The following MTERF3 variants were observed in gnomAD, a reference collection of about 807,000 sequenced individuals.
MTERF3 encodes the protein transcription termination factor 3, mitochondrial.
A neutral mutation model predicts 40.5 loss-of-function variants in MTERF3; 40 were observed. The observed-to-expected ratio is 0.99, with a 90% confidence interval of 0.77 to 1.29. The LOEUF (loss-of-function observed/expected upper bound fraction) is 1.29. Ranked by LOEUF, MTERF3 falls within the 50% of genes most tolerant of loss-of-function variation. The pLI, the probability that MTERF3 is intolerant of heterozygous loss-of-function variation, is 0.00. For synonymous variants in MTERF3, 158 were observed against 166.6 expected, an observed-to-expected ratio of 0.95 and a Z score of 0.40; for missense variants, 452 against 478.2, an observed-to-expected ratio of 0.95 and a Z score of 0.51.
intron 6 of MTERF3, 85 bp downstream of exon 6, chr8:96,245,775 A>G: frequency 8.5e-7 from 1 of 1,169,926 alleles, no homozygotes; most frequent in Non-Finnish European, 1.2e-6. Context: ...GTTTTCTTTT[A>G]CATGACAATA....
chr8:96,258,806 T>A, intron 1 of MTERF3, 106 bp from the exon 2 acceptor site: 1 of 866,634 alleles, frequency 1.2e-6, no homozygotes, highest in Non-Finnish European at 1.7e-6. Flanking sequence ...TATTTTTTTC[T>A]AATTGAAAGG....
intron 7 of MTERF3, among the ~76,000 whole-genome samples, chr8:96,240,616 G>C (rs748837246): frequency 2.0e-5 from 3 of 152,142 alleles, no homozygotes; most frequent in Non-Finnish European, 4.4e-5. Context: ...AGCAGGCAAG[G>C]CTCTACAGCC....
At chr8:96,249,707 G>C (rs1394697431) in intron 4 of MTERF3, among the ~76,000 whole-genome samples, 1 of 152,120 alleles carries the variant, frequency 6.6e-6, no homozygotes, top group Non-Finnish European at 1.5e-5. Context: ...CATGACTAGA[G>C]GCAGACCAAT....
chr8:96,260,800 G>A (rs1810369761), intron 1 of MTERF3, among the ~76,000 whole-genome samples: 2 of 152,198 alleles, frequency 1.3e-5, no homozygotes, highest in African/African-American at 4.8e-5. Flanking sequence ...GTTCATGCAC[G>A]AGAGCAGAGC....
rs142623533 is a variant in MTERF3 at position 96,258,667 on chromosome 8, T to C, written c.24A>G (p.Ile8Met). ...ACTTAACTGAGTTAAACCATCTGGG[T>C]ATCTGTTGGGCTGACAAAGCCATTT... MALSAQQ[I>M]PRWFNSVKLR... is the part of the protein sequence containing the mutation. Residue 8 changes from isoleucine (I) to methionine (M), a missense_variant, in exon 2 of 8, where the codon ATA (isoleucine) becomes ATG (methionine). Physicochemically the swap from Ile to Met is conservative, Grantham distance 10. Coordinates refer to ENST00000287025, the MANE Select transcript of MTERF3 (RefSeq NM_015942.5). 2.7e-4 allele frequency: 428 copies of C among 1,609,516 alleles called. No homozygotes were observed. Among genetic ancestry groups the C allele is most frequent in the Non-Finnish European group, 3.3e-4 (394 of 1,176,542 alleles).
intron 6 of MTERF3, 135 bp downstream of exon 6, chr8:96,245,725 T>C: frequency 1.4e-6 from 1 of 729,856 alleles, no homozygotes; most frequent in Non-Finnish European, 2.2e-6. Context: ...AAAGATAATT[T>C]CCTATTTCTC....
Position 96,246,323 on chromosome 8 carries a change from T to TC in MTERF3, c.808dup (p.Glu270GlyfsTer3), listed in dbSNP as rs1255636174. ...TTTCTTTACCTTCTTCACACTAAGT[T>TC]CAAGTTCTTTCTGAAAAAATCCCAA... On this transcript the variant is annotated frameshift_variant, in exon 5 of 8. Transcript: ENST00000287025. LOFTEE classifies it high-confidence loss of function. 1 of 1,604,302 alleles carries TC rather than the reference T, an allele frequency of 6.2e-7. No homozygotes were observed. Among genetic ancestry groups the TC allele is most frequent in the East Asian group, 2.2e-5 (1 of 44,658 alleles).
At position 96,239,561 on chromosome 8, in the gene MTERF3, T is replaced by C. The variant is rs1809881138; in HGVS notation, c.1184A>G (p.Asp395Gly). ...GGCAATCTCTTCACAAAATATTTCA[T>C]CAGGAATAGATACTAGTTTGTCCAA... is the stretch of plus-strand genomic sequence containing the variant. ...ISLDKLVSIP[D>G]EIFCEEIAKA... Residue 395 changes from aspartate (D) to glycine (G), a missense_variant, in exon 8 of 8, where the codon GAT becomes GGT. Asp to Gly is a moderately conservative substitution (Grantham distance 94). Coordinates refer to ENST00000287025, the MANE Select transcript of MTERF3 (RefSeq NM_015942.5). The C allele has an allele frequency of 1.9e-6, 3 of 1,612,980 alleles. No homozygotes were observed. The highest frequency in any genetic ancestry group is 2.5e-6 in the Non-Finnish European group (3 of 1,179,732).
At chr8:96,244,154 ATTTT>A (rs1012651979) in intron 6 of MTERF3, 74 bp from the exon 7 acceptor site, 3 of 1,041,494 alleles carry the variant, frequency 2.9e-6, no homozygotes, top group Non-Finnish European at 4.0e-6. Flanking sequence ...GGCTGCACTG[ATTTT>A]TTTTTTTTTT....
intron 3 of MTERF3, 77 bp downstream of exon 3, chr8:96,256,885 T>C: frequency 7.3e-7 from 1 of 1,370,748 alleles, no homozygotes; most frequent in Non-Finnish European, 9.8e-7. Context: ...TAGTATAGAT[T>C]AAATTGTTAA....
intron 3 of MTERF3, among the ~76,000 whole-genome samples, chr8:96,253,214 G>T (rs1397458578): frequency 6.6e-6 from 1 of 152,164 alleles, no homozygotes; most frequent in Non-Finnish European, 1.5e-5. Flanking sequence ...ATACAGCGGT[G>T]TGAGCAGCCT....
In MTERF3 at chr8:96,258,482, G is replaced by C; in HGVS notation, c.209C>G (p.Ser70Cys). Reference sequence around the variant, plus strand: ...CTGACTACTTGAGCTAGTAGACTGGGAACTATTCCATAAGGAGGAAGTCCT... The same window carrying C: ...CTGACTACTTGAGCTAGTAGACTGGCAACTATTCCATAAGGAGGAAGTCCT... ...TYRTSSLWNS[S>C]QSTSSSSQEN... The change falls in exon 2 of 8, where the codon TCC (serine) becomes TGC (cysteine). Residue 70 changes from serine (S) to cysteine (C), a missense_variant. Physicochemically the swap from Ser to Cys is moderately radical, Grantham distance 112. Coordinates refer to ENST00000287025, the MANE Select transcript of MTERF3 (RefSeq NM_015942.5). 6.2e-7 allele frequency: 1 copy of C among 1,614,146 alleles called. No homozygotes were observed. The highest frequency in any genetic ancestry group is 8.5e-7 in the Non-Finnish European group (1 of 1,179,982).
intron 3 of MTERF3, among the ~76,000 whole-genome samples, chr8:96,253,507 T>C (rs1319623903): frequency 3.3e-5 from 5 of 151,982 alleles, no homozygotes; most frequent in African/African-American, 1.2e-4. Flanking sequence ...GGGATACAGA[T>C]CGGGCAGAAA....
intron 4 of MTERF3, among the ~76,000 whole-genome samples, chr8:96,250,653 GAAGAAGAAGAAGAAGA>G (rs1810146677): frequency 7.5e-5 from 2 of 26,656 alleles, no homozygotes; most frequent in African/African-American, 1.4e-4. Context: ...AGAAGAAGAA[GAAGAAGAAGAAGAAGA>G]AGAAGAAGAA....
rs552864103 is a variant in MTERF3, at chr8:96,258,738, T to A, written c.-10-38A>T. 98 of 1,402,926 alleles carry A rather than the reference T, an allele frequency of 7.0e-5. No individual in the cohort carries two copies. In the South Asian group the frequency reaches 1.4e-3, roughly 20 times the overall value. The allele number at this position is 1,402,926 out of a possible 1,614,324, so 86.9% of individuals were successfully genotyped here. On this transcript the variant is annotated intron_variant, in intron 1 of 7. Coordinates refer to ENST00000287025, the MANE Select transcript of MTERF3 (RefSeq NM_015942.5). ...GATATAACCGTCAAAAGAAGAGAAA[T>A]TTAATTTACTTAAATGTTTAAAACG...
chr8:96,249,155 T>A (rs1045545260), intron 4 of MTERF3, among the ~76,000 whole-genome samples: 1 of 152,238 alleles, frequency 6.6e-6, no homozygotes, highest in African/African-American at 2.4e-5. Context: ...TGTGTAGTAG[T>A]CAGAACCCTG....
At chr8:96,258,262 A>G in intron 2 of MTERF3, 95 bp downstream of exon 2, 1 of 1,439,364 alleles carries the variant, frequency 6.9e-7, no homozygotes, top group Non-Finnish European at 9.1e-7. Flanking sequence ...TTGGCACAAA[A>G]TATTACCTGA....
rs759048995 is a variant in MTERF3 at position 96,243,935 on chromosome 8, A to G, written c.1043T>C (p.Ile348Thr). ...TGGCATTACCTGTGGGAACTTGACA[A>G]TGATGTGGTGGGGAATGCTCATCAC... ...HNVMSIPHHI[I>T]VKFPQVFNTR... Residue 348 changes from isoleucine to threonine, a missense_variant, in exon 7 of 8, where the codon ATT becomes ACT. Physicochemically the swap from Ile to Thr is moderately conservative, Grantham distance 89 (BLOSUM62 -1). Transcript: ENST00000287025. 16 of 1,613,722 alleles carry G rather than the reference A, an allele frequency of 9.9e-6. No homozygotes were observed. Among genetic ancestry groups the G allele is most frequent in the African/African-American group, 8.0e-5 (6 of 74,896 alleles).
In MTERF3 at chr8:96,246,410, G is replaced by A; in HGVS notation, c.722C>T (p.Ala241Val). The A allele has an allele frequency of 1.9e-6, 3 of 1,612,240 alleles. No individual in the cohort carries two copies. Among genetic ancestry groups the A allele is most frequent in the Non-Finnish European group, 2.5e-6 (3 of 1,179,498 alleles). Residue 241 changes from alanine to valine, a missense_variant, in exon 5 of 8, where the codon GCA becomes GTA. Physicochemically the swap from Ala to Val is moderately conservative, Grantham distance 64. Transcript: ENST00000287025. ...AAATGGTGCTTTTCTGACCATCTGT[G>A]CAACATCTGCTTTACTGAAATTTTT... ...HSKNFSKADVAQMVRKAPFLL... is the reference protein window; with the variant it reads ...HSKNFSKADVVQMVRKAPFLL...
Sources: gnomAD v4.1 joint callset for allele counts (sites outside exome capture counted in the v4.1 genomes callset) on GRCh38, gnomAD v4.1.1 for gene constraint, MANE v1.5 for transcripts, NCBI Gene and HGNC (gene_info 2026-07-23, HGNC 2026-07-21) for gene names.